The following AKAP19 variants were observed in gnomAD, a reference collection of about 807,000 sequenced individuals.
AKAP19 encodes A-kinase anchoring protein 19.
At chr2:189,989,887 T>G in the AKAP19 span, among the ~76,000 whole-genome samples, 1 of 152,156 alleles carries the variant, frequency 6.6e-6, no homozygotes, top group Admixed American at 6.6e-5. Context: ...AGAGACATTC[T>G]GAGTTCACGG....
chr2:189,955,292 G>GT, the AKAP19 span, among the ~76,000 whole-genome samples: 3 of 151,760 alleles, frequency 2.0e-5, no homozygotes, highest in Non-Finnish European at 4.4e-5. Flanking sequence ...TTCGTATTTT[G>GT]TTTTTGTTTT....
chr2:189,893,377 C>T, the AKAP19 span, among the ~76,000 whole-genome samples: 1 of 152,208 alleles, frequency 6.6e-6, no homozygotes, highest in Non-Finnish European at 1.5e-5. Flanking sequence ...TTCTGGTCTG[C>T]AGTTTGTGAA....
the AKAP19 span, among the ~76,000 whole-genome samples, chr2:189,913,933 T>C: frequency 6.6e-6 from 1 of 152,080 alleles, no homozygotes. Context: ...TTTAGGTTAT[T>C]GGTAGCTATG....
At chr2:189,975,986 C>G in the AKAP19 span, among the ~76,000 whole-genome samples, 1 of 152,142 alleles carries the variant, frequency 6.6e-6, no homozygotes, top group African/African-American at 2.4e-5. Context: ...CTCAACTAGT[C>G]AGTCATTCTC....
At chr2:190,130,411 C>G in the AKAP19 span, among the ~76,000 whole-genome samples, 1 of 152,282 alleles carries the variant, frequency 6.6e-6, no homozygotes, top group Admixed American at 6.5e-5. Context: ...ATTCATCAGG[C>G]CAGCCATATT....
the AKAP19 span, among the ~76,000 whole-genome samples, chr2:189,999,436 A>T: frequency 2.0e-5 from 3 of 152,158 alleles, no homozygotes; most frequent in Non-Finnish European, 4.4e-5. Context: ...GTGTCATAGA[A>T]TATAACTTTC....
chr2:189,880,536 G>C, the AKAP19 span, among the ~76,000 whole-genome samples: 3 of 152,320 alleles, frequency 2.0e-5, no homozygotes, highest in East Asian at 5.8e-4. Flanking sequence ...CATGTTGCAA[G>C]AGAAAAGGAG....
At chr2:190,037,280 T>C in the AKAP19 span, among the ~76,000 whole-genome samples, 1 of 152,220 alleles carries the variant, frequency 6.6e-6, no homozygotes, top group Admixed American at 6.5e-5. Context: ...CCAAATGCCA[T>C]AGTCATTCAG....
the AKAP19 span, among the ~76,000 whole-genome samples, chr2:190,045,157 G>A: frequency 2.0e-4 from 31 of 152,146 alleles, no homozygotes. Context: ...TGGCAGGGGT[G>A]GCTGGAGGCC....
chr2:190,081,482 C>T, the AKAP19 span, among the ~76,000 whole-genome samples: 21 of 152,230 alleles, frequency 1.4e-4, no homozygotes, highest in African/African-American at 5.1e-4. Context: ...ACTCCTAACC[C>T]GCATCTTACC....
At chr2:190,143,459 A>G in the AKAP19 span, among the ~76,000 whole-genome samples, 1 of 152,138 alleles carries the variant, frequency 6.6e-6, no homozygotes, top group African/African-American at 2.4e-5. Context: ...GGCAAATGAA[A>G]GTAGTTAATC....
At chr2:189,917,421 A>G in the AKAP19 span, 1 of 807,508 alleles carries the variant, frequency 1.2e-6, no homozygotes, top group South Asian at 1.5e-5. Context: ...TCTTCTCAAA[A>G]CCATGTCTGT....
the AKAP19 span, among the ~76,000 whole-genome samples, chr2:190,091,261 A>C: frequency 6.6e-5 from 10 of 152,246 alleles, no homozygotes; most frequent in Admixed American, 5.9e-4. Flanking sequence ...GTCTACATTC[A>C]GGGACTGAAA....
chr2:190,192,242 T>A, the AKAP19 span, among the ~76,000 whole-genome samples: 46 of 152,176 alleles, frequency 3.0e-4, no homozygotes, highest in Admixed American at 8.5e-4. Context: ...TTTGGACATG[T>A]CAAGTATCAG....
At chr2:189,987,039 C>G in the AKAP19 span, among the ~76,000 whole-genome samples, 2 of 152,096 alleles carry the variant, frequency 1.3e-5, no homozygotes, top group Non-Finnish European at 2.9e-5. Flanking sequence ...TATAAAGGAA[C>G]AGGAAATGAA....
the AKAP19 span, among the ~76,000 whole-genome samples, chr2:190,039,021 C>T: frequency 1.1e-3 from 107 of 99,128 alleles, no homozygotes; most frequent in Non-Finnish European, 1.7e-3. Flanking sequence ...TCTTCCTCTT[C>T]CTCTTCTTCC....
At chr2:190,023,255 G>T in the AKAP19 span, among the ~76,000 whole-genome samples, 1 of 152,090 alleles carries the variant, frequency 6.6e-6, no homozygotes, top group South Asian at 2.1e-4. Context: ...GTTTTTATAA[G>T]TTAATCCCAT....
chr2:190,035,870 G>C, the AKAP19 span, among the ~76,000 whole-genome samples: 1 of 152,154 alleles, frequency 6.6e-6, no homozygotes, highest in Non-Finnish European at 1.5e-5. Context: ...AAGCAACTCT[G>C]AACATTCACA....
chr2:189,976,609 C>G, the AKAP19 span, among the ~76,000 whole-genome samples: 2 of 152,250 alleles, frequency 1.3e-5, no homozygotes, highest in Non-Finnish European at 1.5e-5. Context: ...CCTCCTTGAG[C>G]TGCGGTGGGT....
Sources: gnomAD v4.1 joint callset for allele counts (sites outside exome capture counted in the v4.1 genomes callset) on GRCh38, gnomAD v4.1.1 for gene constraint, MANE v1.5 for transcripts, NCBI Gene and HGNC (gene_info 2026-07-23, HGNC 2026-07-21) for gene names.